Variants in FMN1 observed in about 807,000 individuals in gnomAD.
FMN1 encodes the protein formin 1.
FMN1 carries 110 observed loss-of-function variants against 132.4 expected under a neutral mutation model. The observed-to-expected ratio is 0.83, with a 90% CI of 0.71 to 0.97. The LOEUF (loss-of-function observed/expected upper bound fraction) is 0.97. Ranked by LOEUF, FMN1 falls within the 50% of genes least tolerant of loss-of-function variation. The pLI, the probability that FMN1 is intolerant of heterozygous loss-of-function variation, is 0.00. For synonymous variants in FMN1, 722 were observed against 651.7 expected (o/e 1.11, Z -1.64); for missense variants, 1,792 against 1,705.3 (o/e 1.05, Z -0.90).
intron 16 of FMN1, among the ~76,000 whole-genome samples, chr15:32,874,017 G>GTTTTTTTTTT (rs962842419): frequency 8.7e-5 from 10 of 115,100 alleles, no homozygotes; most frequent in East Asian, 2.4e-4. Flanking sequence ...TATTTTAGTT[G>GTTTTTTTTTT]TTTTTTTTTT....
At chr15:33,173,807 T>C (rs1328182370) in intron 3 of FMN1, among the ~76,000 whole-genome samples, 1 of 152,140 alleles carries the variant, frequency 6.6e-6, no homozygotes, top group East Asian at 1.9e-4. Context: ...CAGGTGCCTG[T>C]TATCCCAACT....
chr15:32,858,657 G>A (rs2141299406), intron 16 of FMN1, among the ~76,000 whole-genome samples: 1 of 152,256 alleles, frequency 6.6e-6, no homozygotes, highest in Admixed American at 6.5e-5. Flanking sequence ...TCCGTTGGGA[G>A]GCAAAGACTA....
intron 7 of FMN1, among the ~76,000 whole-genome samples, chr15:32,995,773 A>G (rs559295828): frequency 6.6e-6 from 1 of 152,234 alleles, no homozygotes; most frequent in East Asian, 1.9e-4. Context: ...ACACGCAATT[A>G]TCTTACTCAG....
intron 9 of FMN1, among the ~76,000 whole-genome samples, chr15:32,940,574 T>G (rs1017960087): frequency 1.3e-5 from 2 of 152,128 alleles, no homozygotes; most frequent in African/African-American, 4.8e-5. Context: ...CCAAGACTCT[T>G]ATTTAAAAAG....
chr15:33,191,348 G>T (rs1966073627), intron 2 of FMN1, among the ~76,000 whole-genome samples: 1 of 152,162 alleles, frequency 6.6e-6, no homozygotes, highest in African/African-American at 2.4e-5. Context: ...AAACAAGTCA[G>T]TATCAAGTTA....
chr15:32,778,997 T>C (rs1043152514), intron 19 of FMN1, among the ~76,000 whole-genome samples: 1 of 152,148 alleles, frequency 6.6e-6, no homozygotes, highest in East Asian at 1.9e-4. Context: ...GGAATGAATT[T>C]GCTGATACAT....
chr15:32,841,803 G>GAT (rs1487976575), intron 17 of FMN1, among the ~76,000 whole-genome samples: 3 of 152,192 alleles, frequency 2.0e-5, no homozygotes, highest in Non-Finnish European at 4.4e-5. Flanking sequence ...AACCAGAACA[G>GAT]ATATGTATTT....
rs974724577 is a variant in FMN1 at position 33,153,091 on chromosome 15, C to A, written c.1824G>T (p.Gly608=). 74 of 1,535,426 alleles carry A rather than the reference C, an allele frequency of 4.8e-5. No homozygotes were observed. Among genetic ancestry groups the A allele is most frequent in the Non-Finnish European group, 5.9e-5 (68 of 1,146,646 alleles). ...GGGGCTCAGCTGTGGTCTTCCCTGG[C>A]CCCAAGCTCTTTTCCAAAGTTTCCC... The part of the protein sequence containing the change: ...VPGETLEKSL[G]PGKTTAEPQH... Residue 608 remains glycine, a synonymous_variant, in exon 4 of 21, where the codon GGG becomes GGT. Transcript: ENST00000616417.
chr15:32,966,780 A>C (rs2928023), intron 8 of FMN1, among the ~76,000 whole-genome samples: 123,004 of 152,216 alleles, frequency 0.81, 49,867 homozygotes, highest in East Asian at 0.97. Context: ...AAACTACTTA[A>C]TCCTCTAGTT....
chr15:33,105,214 T>TC (rs1334451800), intron 4 of FMN1, among the ~76,000 whole-genome samples: 2 of 152,098 alleles, frequency 1.3e-5, no homozygotes, highest in Admixed American at 1.3e-4. Flanking sequence ...TGGAGCTATG[T>TC]CCCCACTGGT....
At chr15:33,123,693 T>TC (rs1197823255) in intron 4 of FMN1, among the ~76,000 whole-genome samples, 1 of 152,196 alleles carries the variant, frequency 6.6e-6, no homozygotes, top group Non-Finnish European at 1.5e-5. Flanking sequence ...GACATGAACG[T>TC]CCCTTCCATG....
rs752976932 is a variant in FMN1 at position 32,968,804 on chromosome 15, G to A, written c.2897C>T (p.Ser966Phe). 2 of 1,607,224 alleles carry A rather than the reference G, an allele frequency of 1.2e-6. No individual in the cohort carries two copies. The highest frequency in any genetic ancestry group is 2.3e-5 in the East Asian group (1 of 44,368). The stretch of plus-strand genomic sequence containing the variant: ...TGGTTTTCGAGGACATTGACTGGAA[G>A]AAGAGCCAAGTCCAAAGAAGAGTCC... ...PPGLFFGLGS[S>F]SSQCPRKPAI... Residue 966 changes from serine (S) to phenylalanine (F), a missense_variant, in exon 8 of 21, where the codon TCT (serine) becomes TTT (phenylalanine). By Grantham distance (155) the Ser-to-Phe change is radical (BLOSUM62 -2). This residue lies in a region of FMN1 where 1,150 missense variants were observed against 1,043.1 expected (regional missense o/e 1.10). Transcript: ENST00000616417.
chr15:33,067,685 G>T, intron 5 of FMN1: 1 of 1,613,918 alleles, frequency 6.2e-7, no homozygotes, highest in Non-Finnish European at 8.5e-7. Flanking sequence ...CTGAGATGTG[G>T]GATTCACGTC....
At chr15:33,159,006 C>A (rs902680693) in intron 3 of FMN1, among the ~76,000 whole-genome samples, 1 of 152,042 alleles carries the variant, frequency 6.6e-6, no homozygotes, top group Non-Finnish European at 1.5e-5. Flanking sequence ...TGGTAAAACC[C>A]CATCTCTACT....
intron 4 of FMN1, among the ~76,000 whole-genome samples, chr15:33,097,325 AG>A (rs2039125657): frequency 2.0e-5 from 3 of 151,162 alleles, no homozygotes; most frequent in African/African-American, 7.3e-5. Context: ...AAAGAGAGAG[AG>A]AGAGAGATGG....
At chr15:32,981,632 A>G (rs1401659050) in intron 7 of FMN1, among the ~76,000 whole-genome samples, 1 of 151,374 alleles carries the variant, frequency 6.6e-6, no homozygotes, top group Non-Finnish European at 1.5e-5. Flanking sequence ...GTTGTCCTCA[A>G]AAAAGCATCT....
At chr15:32,859,287 A>G (rs10519758) in intron 16 of FMN1, among the ~76,000 whole-genome samples, 38,042 of 152,194 alleles carry the variant, frequency 0.25, 5,115 homozygotes, top group East Asian at 0.4. Context: ...TTCTCATCAC[A>G]AATTCAACTA....
At chr15:33,049,258 C>T (rs1398332084) in intron 6 of FMN1, among the ~76,000 whole-genome samples, 1 of 152,120 alleles carries the variant, frequency 6.6e-6, no homozygotes, top group Non-Finnish European at 1.5e-5. Flanking sequence ...TTGTTTTGGA[C>T]TTAGCTCATG....
chr15:32,932,828 G>C (rs933970755), intron 9 of FMN1, among the ~76,000 whole-genome samples: 2 of 151,972 alleles, frequency 1.3e-5, no homozygotes, highest in Admixed American at 6.6e-5. Flanking sequence ...CAGTTCTGTG[G>C]CATCGGTTGT....
Sources: gnomAD v4.1 joint callset for allele counts (sites outside exome capture counted in the v4.1 genomes callset) on GRCh38, gnomAD v4.1.1 for gene constraint, gnomAD v4.1.1 regional missense constraint, MANE v1.5 for transcripts, NCBI Gene and HGNC (gene_info 2026-07-23, HGNC 2026-07-21) for gene names.